The following OGDH variants were observed in gnomAD, a reference collection of about 807,000 sequenced individuals.
OGDH encodes oxoglutarate dehydrogenase.
OGDH carries 38 observed loss-of-function variants against 116.6 expected under a neutral mutation model. The ratio of observed to expected loss-of-function variants is 0.33; its 90% confidence interval spans 0.25 to 0.43. The LOEUF (loss-of-function observed/expected upper bound fraction) is 0.43, where lower values mean the gene tolerates loss of function less well. Among genes scored for constraint, OGDH ranks in the 20% least tolerant of loss-of-function variants. The pLI is 1.00. For synonymous variants in OGDH, 488 were observed against 533.3 expected (o/e 0.92, Z 1.17); for missense variants, 825 against 1,357.2 (o/e 0.61, Z 6.16).
chr7:44,609,460 A>T (rs556653944), intron 1 of OGDH, among the ~76,000 whole-genome samples: 1 of 150,512 alleles, frequency 6.6e-6, no homozygotes, highest in South Asian at 2.1e-4. Flanking sequence ...CGGTGAGCCG[A>T]GATCGCGCCA....
At chr7:44,616,838 CATATACGTGTATATATATACACATATAT>C (rs1562611174) in intron 1 of OGDH, among the ~76,000 whole-genome samples, 1 of 123,272 alleles carries the variant, frequency 8.1e-6, no homozygotes, top group Non-Finnish European at 1.6e-5. Flanking sequence ...TATATATACA[CATATACGTGTATATATATACACATATAT>C]ATATACGTAT....
chr7:44,657,622 G>A lies in OGDH; in HGVS notation c.518-9114G>A, dbSNP rs142858972. ...TCCTACCTCAGCTTCTATGCCCTAA[G>A]TTTTTAAGCTTGATGACATCCAGTT... On this transcript the variant is annotated intron_variant, in intron 4 of 22. Coordinates refer to ENST00000222673, the MANE Select transcript of OGDH (RefSeq NM_002541.4). Among the ~76,000 whole-genome samples the A allele has an allele frequency of 5.1e-4, 77 of 152,150 alleles. 1 individual carries two copies. Among genetic ancestry groups the A allele is most frequent in the African/African-American group, 1.8e-3 (75 of 41,512 alleles).
At chr7:44,672,154 A>T (rs1182125221) in intron 5 of OGDH, among the ~76,000 whole-genome samples, 1 of 152,130 alleles carries the variant, frequency 6.6e-6, no homozygotes, top group Non-Finnish European at 1.5e-5. Context: ...TTTAGTTCCT[A>T]GGCAAGATTT....
chr7:44,695,211 T>C (rs1788528330), intron 12 of OGDH, among the ~76,000 whole-genome samples: 2 of 152,112 alleles, frequency 1.3e-5, no homozygotes, highest in Admixed American at 6.6e-5. Context: ...TTTTCATGTC[T>C]CAGCGTCCCA....
chr7:44,694,583 C>T lies in OGDH; in HGVS notation c.1668+7C>T, dbSNP rs763482862. 1.2e-6 allele frequency: 2 copies of T among 1,613,438 alleles called. No individual in the cohort carries two copies. Among genetic ancestry groups the T allele is most frequent in the African/African-American group, 1.3e-5 (1 of 74,884 alleles). On this transcript the variant is annotated splice_region_variant and intron_variant, in intron 12 of 22. Coordinates refer to ENST00000222673, the MANE Select transcript of OGDH (RefSeq NM_002541.4). The surrounding 1 kb of genome is among the most constrained non-coding windows in gnomAD (Gnocchi z 4.2). Reference sequence around the variant, plus strand: ...CAACCAGCCTGAGTATGAGGTACGTCCCTGCGGCTCTATCCCAGTGCGCCT... The same window carrying T: ...CAACCAGCCTGAGTATGAGGTACGTTCCTGCGGCTCTATCCCAGTGCGCCT...
chr7:44,616,548 T>C (rs28690923), intron 1 of OGDH, among the ~76,000 whole-genome samples: 46,992 of 151,452 alleles, frequency 0.31, 8,614 homozygotes, highest in Non-Finnish European at 0.41. Context: ...TGTTTAGGTT[T>C]AAATATCTTG....
At chr7:44,679,973 G>A (rs552679073) in intron 9 of OGDH, among the ~76,000 whole-genome samples, 4 of 152,316 alleles carry the variant, frequency 2.6e-5, no homozygotes, top group Non-Finnish European at 5.9e-5. Flanking sequence ...CACTTTGGGA[G>A]GCTGAGGCAA....
Position 44,642,301 on chromosome 7 carries a change from G to A in OGDH, c.223-3026G>A, listed in dbSNP as rs549440244. ...TAGCCATGCGTGGTGGTGCGTGCCT[G>A]TGGTCCCAGCTACTCAGGAGGCTGA... is the stretch of plus-strand genomic sequence containing the variant. On this transcript the variant is annotated intron_variant, in intron 2 of 22. Transcript: ENST00000222673. 2.6e-5 allele frequency among the ~76,000 whole-genome samples: 4 copies of A among 152,300 alleles called. No individual in the cohort carries two copies. In the South Asian group the frequency reaches 8.3e-4, roughly 32 times the overall value.
chr7:44,625,351 C>T (rs1785164731), intron 2 of OGDH, among the ~76,000 whole-genome samples: 2 of 152,194 alleles, frequency 1.3e-5, no homozygotes, highest in African/African-American at 2.4e-5. Context: ...TCTTGAACCC[C>T]TGGCCTCAAG....
chr7:44,624,312 T>TTTTC lies in OGDH; in HGVS notation c.-27-5_-27-4insTTTC. 6.2e-5 allele frequency: 78 copies of TTTTC among 1,255,808 alleles called. No individual in the cohort carries two copies. Among genetic ancestry groups the TTTTC allele is most frequent in the Middle Eastern group, 4.1e-4 (2 of 4,870 alleles). The allele number at this position is 1,255,808 out of a possible 1,614,324, so 77.8% of individuals were successfully genotyped here. The stretch of plus-strand genomic sequence containing the variant: ...TCTTGTTTTTTTTTTTTTTTTTTTG[T>TTTTC]ACAGGCAGTTGTGAAAAACTTCAGG... On this transcript the variant is annotated splice_region_variant and splice_polypyrimidine_tract_variant and intron_variant, in intron 1 of 22. Coordinates refer to ENST00000222673, the MANE Select transcript of OGDH (RefSeq NM_002541.4).
intron 4 of OGDH, among the ~76,000 whole-genome samples, chr7:44,665,739 T>C (rs1238679279): frequency 6.6e-6 from 1 of 152,146 alleles, no homozygotes; most frequent in African/African-American, 2.4e-5. Flanking sequence ...AAAATGCTGA[T>C]GTAAGGTATT....
At chr7:44,674,783 A>C in intron 7 of OGDH, 1 of 579,118 alleles carries the variant, frequency 1.7e-6, no homozygotes, top group Non-Finnish European at 3.1e-6. Flanking sequence ...ATGTAGTTTC[A>C]GACTGGCATT....
chr7:44,635,347 G>A lies in OGDH; in HGVS notation c.223-9980G>A, dbSNP rs139696452. 2.8e-3 allele frequency among the ~76,000 whole-genome samples: 420 copies of A among 152,296 alleles called. 4 individuals are homozygous for A. The highest frequency in any genetic ancestry group is 9.5e-3 in the African/African-American group (396 of 41,554). ...CAGAACTTAGTAAGTGAGGTTGTGT[G>A]GATAGTGCTGGGCCTCATCAACTTA... is the stretch of plus-strand genomic sequence containing the variant. On this transcript the variant is annotated intron_variant, in intron 2 of 22. Coordinates refer to ENST00000222673, the MANE Select transcript of OGDH (RefSeq NM_002541.4).
intron 2 of OGDH, among the ~76,000 whole-genome samples, chr7:44,633,123 C>T (rs1219369232): frequency 2.0e-5 from 3 of 151,584 alleles, no homozygotes; most frequent in Non-Finnish European, 4.4e-5. Flanking sequence ...CATGGTGGCG[C>T]ACCCCTGTAG....
At position 44,696,014 on chromosome 7, in the gene OGDH, C is replaced by T. The variant is rs1364200607; in HGVS notation, c.1669-11C>T. 3 of 1,524,908 alleles carry T rather than the reference C, an allele frequency of 2.0e-6. No individual in the cohort carries two copies. The highest frequency in any genetic ancestry group is 2.7e-6 in the Non-Finnish European group (3 of 1,099,170). The allele number at this position is 1,524,908 out of a possible 1,614,324, so 94.5% of individuals were successfully genotyped here. On this transcript the variant is annotated splice_polypyrimidine_tract_variant and intron_variant, in intron 12 of 22. Coordinates refer to ENST00000222673, the MANE Select transcript of OGDH (RefSeq NM_002541.4). ...TGTGCCAGTCACGCTGTGTTGTGCC[C>T]AACCCTCCAGGAGGAAATTTCCAAG... is the stretch of plus-strand genomic sequence containing the variant.
intron 1 of OGDH, among the ~76,000 whole-genome samples, chr7:44,622,392 C>A (rs1016967025): frequency 6.6e-6 from 1 of 152,076 alleles, no homozygotes; most frequent in African/African-American, 2.4e-5. Context: ...GATTGCATTC[C>A]CTAATTATAT....
At chr7:44,661,999 T>G (rs1786968029) in intron 4 of OGDH, among the ~76,000 whole-genome samples, 1 of 152,226 alleles carries the variant, frequency 6.6e-6, no homozygotes, top group Non-Finnish European at 1.5e-5. Flanking sequence ...TCATAACTTT[T>G]CAATACATAT....
chr7:44,681,652 CCT>C (rs1449254217), intron 9 of OGDH, 66 bp from the exon 10 acceptor site: 9 of 1,542,694 alleles, frequency 5.8e-6, no homozygotes, highest in Non-Finnish European at 7.9e-6. Context: ...TGATGCATTT[CCT>C]CTGTTTACCT....
chr7:44,670,452 G>C (rs1004681716), intron 5 of OGDH, among the ~76,000 whole-genome samples: 2 of 152,132 alleles, frequency 1.3e-5, no homozygotes, highest in East Asian at 3.9e-4. Context: ...TCCAAAGAGG[G>C]TAGGTCCTCT....
Sources: gnomAD v4.1 joint callset for allele counts (sites outside exome capture counted in the v4.1 genomes callset) on GRCh38, gnomAD v4.1.1 for gene constraint, Gnocchi (gnomAD v3.1) non-coding constraint, MANE v1.5 for transcripts, NCBI Gene and HGNC (gene_info 2026-07-23, HGNC 2026-07-21) for gene names.